Variants in GTF2E2 observed in about 807,000 individuals in gnomAD.
GTF2E2 encodes general transcription factor IIE subunit 2.
GTF2E2 carries 21 observed loss-of-function variants against 40.5 expected under a neutral mutation model. The ratio of observed to expected loss-of-function variants is 0.52; its 90% confidence interval spans 0.37 to 0.75. The LOEUF is 0.75. GTF2E2 is among the 30% of genes least tolerant of loss of function. The pLI is 0.00. For missense variants in GTF2E2, 298 were observed against 338.4 expected (o/e 0.88, Z 0.94); for synonymous variants, 117 against 121.6 (o/e 0.96, Z 0.25).
chr8:30,578,920 C>T lies in GTF2E2; in HGVS notation c.*1G>A, dbSNP rs762169495. On this transcript the variant is annotated 3_prime_UTR_variant, in exon 8 of 8. Transcript: ENST00000355904. ...ACTCTGTTCCAGGGCAAAACTGTTCCCTATTTGCTGGAAGTAATGTCAGAG... is the reference window on the plus strand; with the variant it reads ...ACTCTGTTCCAGGGCAAAACTGTTCTCTATTTGCTGGAAGTAATGTCAGAG... The T allele has an allele frequency of 1.4e-6, 2 of 1,439,560 alleles. No homozygotes were observed. Among genetic ancestry groups the T allele is most frequent in the Non-Finnish European group, 2.0e-6 (2 of 1,020,568 alleles). 89.2% of individuals were successfully genotyped at this position (1,439,560 alleles called of 1,614,324 possible).
chr8:30,647,415 T>C (rs1016050258), intron 2 of GTF2E2, among the ~76,000 whole-genome samples: 1 of 152,134 alleles, frequency 6.6e-6, no homozygotes, highest in African/African-American at 2.4e-5. Context: ...ACCCCATCTC[T>C]ACTAAAAATA....
At chr8:30,641,373 G>GT (rs1215092573) in intron 2 of GTF2E2, among the ~76,000 whole-genome samples, 2 of 151,968 alleles carry the variant, frequency 1.3e-5, no homozygotes, top group Non-Finnish European at 2.9e-5. Context: ...TTTTGGTTTG[G>GT]TTTTTTTGAG....
rs188006276 is a variant in GTF2E2 at position 30,586,739 on chromosome 8, C to G, written c.644-6343G>C. On this transcript the variant is annotated intron_variant, in intron 6 of 7. Coordinates refer to ENST00000355904, the MANE Select transcript of GTF2E2 (RefSeq NM_002095.6). ...ATCCGCTGATCTTTGACAAAGGTGC[C>G]AAGAACACACAATGGGAAAAGGACA... Among the ~76,000 whole-genome samples the G allele has an allele frequency of 9.6e-4, 146 of 152,188 alleles. 1 individual carries two copies. Among genetic ancestry groups the G allele is most frequent in the Non-Finnish European group, 8.8e-5 (6 of 68,014 alleles).
intron 6 of GTF2E2, among the ~76,000 whole-genome samples, chr8:30,581,939 A>AT (rs2151105262): frequency 6.6e-6 from 1 of 152,324 alleles, no homozygotes; most frequent in South Asian, 2.1e-4. Flanking sequence ...GACTTCAACG[A>AT]TTTGACTACC....
chr8:30,627,705 T>C (rs1469766849), intron 3 of GTF2E2, among the ~76,000 whole-genome samples: 1 of 152,220 alleles, frequency 6.6e-6, no homozygotes. Context: ...TGATTTGCTT[T>C]ATTAAACATA....
intron 2 of GTF2E2, chr8:30,643,774 C>T (rs2128727386): frequency 6.6e-6 from 1 of 150,740 alleles, no homozygotes; most frequent in African/African-American, 2.4e-5. Context: ...AGTCTTAACC[C>T]AATTTTTGAG....
At chr8:30,595,886 G>GAGAAA (rs1008216703) in intron 6 of GTF2E2, among the ~76,000 whole-genome samples, 44 of 152,148 alleles carry the variant, frequency 2.9e-4, no homozygotes, top group Middle Eastern at 3.4e-3. Flanking sequence ...AAGAAAAGAA[G>GAGAAA]AGAAAAGAAA....
chr8:30,629,458 G>A (rs527835998), intron 3 of GTF2E2, among the ~76,000 whole-genome samples: 2 of 152,070 alleles, frequency 1.3e-5, no homozygotes, highest in East Asian at 1.9e-4. Flanking sequence ...AGGCTGAGAC[G>A]GGCAGATCAC....
At chr8:30,650,527 CAA>C (rs34700093) in intron 2 of GTF2E2, among the ~76,000 whole-genome samples, 3 of 129,454 alleles carry the variant, frequency 2.3e-5, no homozygotes, top group Admixed American at 1.6e-4. Flanking sequence ...CCATCTCTAC[CAA>C]AAAAAAAAAA....
At chr8:30,635,735 A>G (rs1425053105) in intron 2 of GTF2E2, among the ~76,000 whole-genome samples, 2 of 152,112 alleles carry the variant, frequency 1.3e-5, no homozygotes, top group Non-Finnish European at 2.9e-5. Context: ...TCGCTCCATA[A>G]TCAGAAGTAC....
intron 6 of GTF2E2, among the ~76,000 whole-genome samples, chr8:30,585,873 C>G (rs930719100): frequency 6.6e-6 from 1 of 150,952 alleles, no homozygotes; most frequent in African/African-American, 2.4e-5. Context: ...CTGCTTGAAC[C>G]CAGGAGCTCA....
At chr8:30,631,599 T>C (rs894120512) in intron 3 of GTF2E2, among the ~76,000 whole-genome samples, 7 of 152,242 alleles carry the variant, frequency 4.6e-5, no homozygotes, top group South Asian at 2.1e-4. Flanking sequence ...ATTCTCATTA[T>C]AGTTTTTCAA....
chr8:30,605,392 T>C (rs949077262), intron 6 of GTF2E2, among the ~76,000 whole-genome samples: 3 of 152,134 alleles, frequency 2.0e-5, no homozygotes, highest in African/African-American at 7.2e-5. Flanking sequence ...AGCATAAGCA[T>C]ATTATTAGCA....
intron 6 of GTF2E2, among the ~76,000 whole-genome samples, chr8:30,581,281 TC>T (rs1051391918): frequency 7.2e-5 from 11 of 152,082 alleles, no homozygotes; most frequent in Admixed American, 5.9e-4. Flanking sequence ...CTTCCTTTCT[TC>T]CCACCCCAGA....
At chr8:30,632,915 T>C (rs1465682728) in intron 3 of GTF2E2, among the ~76,000 whole-genome samples, 2 of 152,206 alleles carry the variant, frequency 1.3e-5, no homozygotes, top group African/African-American at 2.4e-5. Flanking sequence ...TATTTGAACA[T>C]TTATGTCTAA....
chr8:30,585,306 A>G (rs1828644309), intron 6 of GTF2E2: 2 of 152,208 alleles, frequency 1.3e-5, no homozygotes, highest in Admixed American at 1.3e-4. Flanking sequence ...ATCTACACCT[A>G]TTACTGTTAT....
chr8:30,635,865 T>C (rs1801583284), intron 2 of GTF2E2, among the ~76,000 whole-genome samples: 1 of 152,148 alleles, frequency 6.6e-6, no homozygotes, highest in African/African-American at 2.4e-5. Flanking sequence ...AATTTCTGCT[T>C]ACCAATTTAA....
At chr8:30,619,320 T>C (rs1204070868) in intron 3 of GTF2E2, among the ~76,000 whole-genome samples, 1 of 152,154 alleles carries the variant, frequency 6.6e-6, no homozygotes, top group Admixed American at 6.5e-5. Flanking sequence ...AACCCTTCTA[T>C]GAGTTTAAAA....
intron 3 of GTF2E2, among the ~76,000 whole-genome samples, chr8:30,621,372 C>G (rs1801096359): frequency 6.6e-6 from 1 of 151,900 alleles, no homozygotes; most frequent in Non-Finnish European, 1.5e-5. Context: ...AACACAGAAG[C>G]CAAAAATCCA....
Sources: allele counts gnomAD v4.1 joint callset (sites outside exome capture counted in the v4.1 genomes callset), GRCh38; gene constraint gnomAD v4.1.1; transcripts MANE v1.5; gene names NCBI Gene and HGNC (gene_info 2026-07-23, HGNC 2026-07-21).